AAK1: variants seen among roughly 807,000 people sequenced by gnomAD.
AAK1 encodes the protein AP2-associated protein kinase 1.
Under a neutral mutation model 116.0 loss-of-function variants are expected in AAK1, and 37 were observed. The observed-to-expected ratio is 0.32, with a 90% CI of 0.25 to 0.42. The LOEUF (loss-of-function observed/expected upper bound fraction) is 0.42, where lower values mean the gene tolerates loss of function less well. Among genes scored for constraint, AAK1 ranks in the 10% least tolerant of loss-of-function variants. AAK1 has a pLI of 1.00. For missense variants in AAK1, 919 were observed against 1,170.6 expected (o/e 0.79, Z 3.14); for synonymous variants, 458 against 439.9 (o/e 1.04, Z -0.51).
chr2:69,578,816 T>C (rs1572974760), intron 2 of AAK1, among the ~76,000 whole-genome samples: 1 of 151,482 alleles, frequency 6.6e-6, no homozygotes, highest in South Asian at 2.1e-4. Context: ...TTTTTTTTTT[T>C]TTTTTCAGAC....
chr2:69,563,182 A>G (rs1282885181), intron 2 of AAK1, among the ~76,000 whole-genome samples: 2 of 152,198 alleles, frequency 1.3e-5, no homozygotes, highest in Non-Finnish European at 2.9e-5. Context: ...TTCTGGCTCT[A>G]TATTCAAACA....
At chr2:69,587,374 CACATATATACACACACGTGTGT>C (rs948998312) in intron 2 of AAK1, among the ~76,000 whole-genome samples, 2 of 99,520 alleles carry the variant, frequency 2.0e-5, no homozygotes, top group Admixed American at 1.1e-4. Context: ...CGTGTACACA[CACATATATACACACACGTGTGT>C]ACATATATAC....
chr2:69,557,931 A>G (rs1671454975), intron 2 of AAK1, among the ~76,000 whole-genome samples: 1 of 152,184 alleles, frequency 6.6e-6, no homozygotes, highest in Non-Finnish European at 1.5e-5. Context: ...AAGATACATG[A>G]TAAGGGTAAG....
intron 5 of AAK1, among the ~76,000 whole-genome samples, chr2:69,538,856 T>C (rs4852270): frequency 0.26 from 39,191 of 152,102 alleles, 6,200 homozygotes; most frequent in East Asian, 0.5. Flanking sequence ...CACTACAGCC[T>C]GGGCAAGAGA....
intron 2 of AAK1, among the ~76,000 whole-genome samples, chr2:69,625,400 G>A (rs1452085791): frequency 1.3e-5 from 2 of 152,204 alleles, no homozygotes; most frequent in Non-Finnish European, 2.9e-5. Flanking sequence ...AGAGCAAGCT[G>A]TCTGTCTCAT....
chr2:69,608,381 T>C (rs1189484854), intron 2 of AAK1, among the ~76,000 whole-genome samples: 1 of 152,206 alleles, frequency 6.6e-6, no homozygotes, highest in Non-Finnish European at 1.5e-5. Context: ...CCCTTGCTCC[T>C]TCATTTGAAT....
At chr2:69,582,093 C>T (rs1672570840) in intron 2 of AAK1, among the ~76,000 whole-genome samples, 1 of 151,992 alleles carries the variant, frequency 6.6e-6, no homozygotes, top group Non-Finnish European at 1.5e-5. Context: ...TTATTAAGTA[C>T]CTAATTTACA....
In AAK1 at chr2:69,467,154, A is replaced by C. The variant is rs1481733938; in HGVS notation, c.*8715T>G. On this transcript the variant is annotated 3_prime_UTR_variant, in exon 22 of 22. Transcript: ENST00000409085. ...GTACCTTCTGAGGGGAGCATACAGC[A>C]TCAAAATCAGACCAAATAAATCACC... The C allele has an allele frequency of 3.0e-6, 3 of 985,368 alleles. No individual in the cohort carries two copies. The African/African-American group carries it at 5.2e-5, about 17-fold the overall frequency. The allele number at this position is 985,368 out of a possible 1,614,324, so 61.0% of individuals were successfully genotyped here.
chr2:69,514,844 C>T (rs2104982674), intron 12 of AAK1, 95 bp from the exon 13 acceptor site: 2 of 1,387,582 alleles, frequency 1.4e-6, no homozygotes, highest in South Asian at 1.5e-5. Context: ...AGTGCTAAAG[C>T]CAAAGGCAAG....
chr2:69,460,675 G>A lies in AAK1; in HGVS notation c.*15194C>T, dbSNP rs1674317774. On this transcript the variant is annotated 3_prime_UTR_variant, in exon 22 of 22. Transcript: ENST00000409085. ...AAGTGGGCCGAAAACAATATAGGGC[G>A]TATGACCTAGACTCCCTGGGTGCTG... 3 of 152,186 alleles carry A rather than the reference G, an allele frequency of 2.0e-5. No homozygotes were observed. Among genetic ancestry groups the A allele is most frequent in the South Asian group, 2.1e-4 (1 of 4,826 alleles). The allele number at this position is 152,186 out of a possible 1,614,324, so 9.4% of individuals were successfully genotyped here.
chr2:69,484,957 C>G (rs904937849), intron 17 of AAK1, among the ~76,000 whole-genome samples: 1 of 151,820 alleles, frequency 6.6e-6, no homozygotes, highest in East Asian at 1.9e-4. Context: ...AAAACCCTCA[C>G]AGGGCACTAA....
In AAK1 at chr2:69,474,996, GTCT is replaced by G. The variant is rs1674801023; in HGVS notation, c.*870_*872del. ...CCCCCCACCCCCGCCCCAGTGAAAA[GTCT>G]TCTAATAAAAGGTATCATATTACCA... is the stretch of plus-strand genomic sequence containing the variant. On this transcript the variant is annotated 3_prime_UTR_variant, in exon 22 of 22. Transcript: ENST00000409085. 1 of 846,902 alleles carries G rather than the reference GTCT, an allele frequency of 1.2e-6. No homozygotes were observed. Among genetic ancestry groups the G allele is most frequent in the South Asian group, 5.7e-5 (1 of 17,452 alleles). 52.5% of individuals were successfully genotyped at this position (846,902 alleles called of 1,614,324 possible).
intron 16 of AAK1, among the ~76,000 whole-genome samples, chr2:69,504,565 C>T (rs1676106919): frequency 6.6e-6 from 1 of 152,046 alleles, no homozygotes; most frequent in Admixed American, 6.6e-5. Flanking sequence ...ATCAGGAGTT[C>T]AAGACCAGCC....
intron 2 of AAK1, among the ~76,000 whole-genome samples, chr2:69,633,015 A>C (rs1675266107): frequency 6.6e-6 from 1 of 151,952 alleles, no homozygotes; most frequent in African/African-American, 2.4e-5. Flanking sequence ...CCTGGGTGAC[A>C]GAGCAAGACT....
At chr2:69,607,992 A>G (rs1162333514) in intron 2 of AAK1, among the ~76,000 whole-genome samples, 2 of 152,188 alleles carry the variant, frequency 1.3e-5, no homozygotes, top group Non-Finnish European at 2.9e-5. Flanking sequence ...ATAGACAAAA[A>G]CATGCATTTG....
chr2:69,518,519 A>G (rs1262507308), intron 12 of AAK1, among the ~76,000 whole-genome samples: 1 of 151,690 alleles, frequency 6.6e-6, no homozygotes, highest in African/African-American at 2.4e-5. Flanking sequence ...CCTGGGTTCA[A>G]GCGATTCTTC....
At chr2:69,607,032 C>T (rs1242486060) in intron 2 of AAK1, among the ~76,000 whole-genome samples, 2 of 140,140 alleles carry the variant, frequency 1.4e-5, no homozygotes, top group Non-Finnish European at 3.0e-5. Flanking sequence ...CACAATTGCA[C>T]TCCAGTCTTG....
chr2:69,536,264 G>A (rs563722316), intron 5 of AAK1, among the ~76,000 whole-genome samples: 1 of 152,162 alleles, frequency 6.6e-6, no homozygotes, highest in Non-Finnish European at 1.5e-5. Flanking sequence ...GACTGAGGAA[G>A]GGCACTTGGG....
chr2:69,641,583 A>C (rs3860459), intron 2 of AAK1, among the ~76,000 whole-genome samples: 1 of 152,000 alleles, frequency 6.6e-6, no homozygotes, highest in Admixed American at 6.6e-5. Context: ...TAAAGTACAG[A>C]CTTCAACTCT....
Sources: gnomAD v4.1 joint callset for allele counts (sites outside exome capture counted in the v4.1 genomes callset) on GRCh38, gnomAD v4.1.1 for gene constraint, MANE v1.5 for transcripts, NCBI Gene and HGNC (gene_info 2026-07-23, HGNC 2026-07-21) for gene names.